Variants in EZH1 observed in about 807,000 individuals in gnomAD.
The protein encoded by EZH1 is enhancer of zeste 1 polycomb repressive complex 2 subunit.
Under a neutral mutation model 100.5 loss-of-function variants are expected in EZH1, and 33 were observed. The ratio of observed to expected loss-of-function variants is 0.33; its 90% CI spans 0.25 to 0.44. The LOEUF is 0.44. EZH1 is among the 20% of genes least tolerant of loss of function. The probability of loss-of-function intolerance (pLI) is 1.00; values close to 1 mark genes in which losing one functional copy is unlikely to be tolerated. For synonymous variants in EZH1, 272 were observed against 313.8 expected, an observed-to-expected ratio of 0.87 and a Z score of 1.41; for missense variants, 475 against 928.4, an observed-to-expected ratio of 0.51 and a Z score of 6.35.
chr17:42,734,319 C>A (rs1451765406), intron 1 of EZH1, among the ~76,000 whole-genome samples: 1 of 152,134 alleles, frequency 6.6e-6, no homozygotes, highest in African/African-American at 2.4e-5. Context: ...GGATTACAGG[C>A]ATGAGCCACC....
At position 42,730,778 on chromosome 17, in the gene EZH1, G is replaced by A. The variant is rs865926556; in HGVS notation, c.-12+50C>T. ...CCCAAAGTGCTGGGATTACAGGCGTGAGCCACCGCGCCCGGCCAAGAAGTA... is the reference window on the plus strand; with the variant it reads ...CCCAAAGTGCTGGGATTACAGGCGTAAGCCACCGCGCCCGGCCAAGAAGTA... On this transcript the variant is annotated intron_variant, in intron 2 of 20. Transcript: ENST00000428826. 3.4e-6 allele frequency: 3 copies of A among 894,660 alleles called. No homozygotes were observed. The South Asian group carries it at 1.5e-4, about 46-fold the overall frequency. 55.4% of individuals were successfully genotyped at this position (894,660 alleles called of 1,614,324 possible). A position where few individuals can be genotyped will look rare whatever the true frequency, so the allele number is the denominator to read the frequency against.
At chr17:42,743,879 T>C (rs1021939561) in intron 1 of EZH1, among the ~76,000 whole-genome samples, 9 of 152,178 alleles carry the variant, frequency 5.9e-5, no homozygotes, top group Non-Finnish European at 1.2e-4. Flanking sequence ...AAACCTCTAA[T>C]AGGGTTAGCA....
Position 42,702,226 on chromosome 17 carries a change from C to T in EZH1, c.*306G>A. 1 of 310,332 alleles carries T rather than the reference C, an allele frequency of 3.2e-6. No homozygotes were observed. The highest frequency in any genetic ancestry group is 6.0e-6 in the Non-Finnish European group (1 of 167,324). 19.2% of individuals were successfully genotyped at this position (310,332 alleles called of 1,614,324 possible). A position where few individuals can be genotyped will look rare whatever the true frequency, so the allele number is the denominator to read the frequency against. On this transcript the variant is annotated 3_prime_UTR_variant, in exon 21 of 21. Transcript: ENST00000428826. ...ATTCCTGAGGCCACAGCCTGGGGAG[C>T]CGACACGAAATCACGCATAAGTCAT... is the stretch of plus-strand genomic sequence containing the variant.
intron 1 of EZH1, among the ~76,000 whole-genome samples, chr17:42,733,208 A>C (rs2053988805): frequency 6.6e-6 from 1 of 151,466 alleles, no homozygotes; most frequent in South Asian, 2.1e-4. Flanking sequence ...GTGGTGGCGC[A>C]TGCCTATAAT....
chr17:42,702,094 C>G lies in EZH1; in HGVS notation c.*438G>C, dbSNP rs527859545. The G allele has an allele frequency of 6.3e-6, 1 of 159,702 alleles. No homozygotes were observed. The highest frequency in any genetic ancestry group is 2.4e-5 in the African/African-American group (1 of 41,800). 9.9% of individuals were successfully genotyped at this position (159,702 alleles called of 1,614,324 possible). A position where few individuals can be genotyped will look rare whatever the true frequency, so the allele number is the denominator to read the frequency against. On this transcript the variant is annotated 3_prime_UTR_variant, in exon 21 of 21. Coordinates refer to ENST00000428826, the MANE Select transcript of EZH1 (RefSeq NM_001991.5). ...CCACACTTCACTTAGCCTGTCCTCTCCAGGTCTTAGGACCACAGAGGTTTG... is the reference window on the plus strand; with the variant it reads ...CCACACTTCACTTAGCCTGTCCTCTGCAGGTCTTAGGACCACAGAGGTTTG...
intron 11 of EZH1, among the ~76,000 whole-genome samples, chr17:42,712,866 C>T (rs1210821581): frequency 2.0e-5 from 3 of 152,044 alleles, no homozygotes; most frequent in Non-Finnish European, 2.9e-5. Context: ...GGCGAAACCC[C>T]GTCTCTACTA....
At chr17:42,707,455 T>C (rs1356875198) in intron 15 of EZH1, among the ~76,000 whole-genome samples, 1 of 152,060 alleles carries the variant, frequency 6.6e-6, no homozygotes, top group East Asian at 1.9e-4. Flanking sequence ...AGAGACGGGG[T>C]TCACCATGTT....
At chr17:42,728,707 A>G (rs1275934374) in intron 3 of EZH1, 118 bp downstream of exon 3, 3 of 1,035,954 alleles carry the variant, frequency 2.9e-6, no homozygotes, top group Non-Finnish European at 4.1e-6. Context: ...ACGCCACTGC[A>G]CTCCAACCTG....
At chr17:42,726,183 CTT>C (rs1374975364) in intron 4 of EZH1, among the ~76,000 whole-genome samples, 10 of 96,792 alleles carry the variant, frequency 1.0e-4, no homozygotes, top group Non-Finnish European at 8.2e-5. Context: ...CCAGCTTCTG[CTT>C]TTTTTTTTTT....
intron 20 of EZH1, 33 bp downstream of exon 20, chr17:42,702,844 G>A (rs769731674): frequency 6.2e-6 from 10 of 1,607,566 alleles, no homozygotes; most frequent in Non-Finnish European, 7.7e-6. Context: ...CAATTCCTGG[G>A]CCACATCCCA....
chr17:42,728,396 G>A (rs2053867395), intron 3 of EZH1, among the ~76,000 whole-genome samples: 1 of 149,540 alleles, frequency 6.7e-6, no homozygotes, highest in East Asian at 2.1e-4. Context: ...TTACAGGTGT[G>A]AGCCACCGCA....
intron 4 of EZH1, 137 bp downstream of exon 4, chr17:42,727,498 C>G: frequency 9.5e-7 from 1 of 1,049,636 alleles, no homozygotes; most frequent in African/African-American, 1.7e-5. Flanking sequence ...CCACCTCAGC[C>G]TCCCAAATAG....
chr17:42,726,874 C>A (rs1291491192), intron 4 of EZH1, among the ~76,000 whole-genome samples: 1 of 151,372 alleles, frequency 6.6e-6, no homozygotes, highest in East Asian at 1.9e-4. Context: ...TTTTGAGACA[C>A]AGTCTCACTC....
In EZH1 at chr17:42,707,946, T is replaced by A. The variant is rs752275685; in HGVS notation, c.1660+12A>T. ...GTTTTGGTAGACTATACAGAAAACG[T>A]AGCACACTTACAGTCTGGGTTGCAC... On this transcript the variant is annotated intron_variant, in intron 15 of 20. Transcript: ENST00000428826. 1.2e-6 allele frequency: 2 copies of A among 1,613,188 alleles called. No homozygotes were observed. Among genetic ancestry groups the A allele is most frequent in the African/African-American group, 1.3e-5 (1 of 74,774 alleles).
intron 19 of EZH1, chr17:42,703,443 G>T: frequency 5.5e-6 from 2 of 363,294 alleles, no homozygotes; most frequent in South Asian, 5.5e-5. Context: ...CTCCCAAAGT[G>T]CTGGGATTAC....
chr17:42,744,992 G>A lies in EZH1; in HGVS notation c.-103+19C>T. ...AGGCCCGGCCCCACCGCCCGGCCCA[G>A]GCTTGTTTACTCACTCACCCTCCAT... On this transcript the variant is annotated intron_variant, in intron 1 of 20. Coordinates refer to ENST00000428826, the MANE Select transcript of EZH1 (RefSeq NM_001991.5). 7.8e-7 allele frequency: 1 copy of A among 1,274,312 alleles called. No homozygotes were observed. Among genetic ancestry groups the A allele is most frequent in the Non-Finnish European group, 1.0e-6 (1 of 982,868 alleles). 78.9% of individuals were successfully genotyped at this position (1,274,312 alleles called of 1,614,324 possible).
At chr17:42,721,551 A>G (rs1248320116) in intron 6 of EZH1, among the ~76,000 whole-genome samples, 2 of 152,108 alleles carry the variant, frequency 1.3e-5, no homozygotes, top group Non-Finnish European at 2.9e-5. Context: ...TGTACAATAA[A>G]CTTTCTCTCC....
At position 42,718,484 on chromosome 17, in the gene EZH1, G is replaced by A. The variant is rs780395800; in HGVS notation, c.901C>T (p.Arg301Cys). 6.2e-7 allele frequency: 1 copy of A among 1,614,032 alleles called. No homozygotes were observed. Among genetic ancestry groups the A allele is most frequent in the Non-Finnish European group, 8.5e-7 (1 of 1,180,024 alleles). Residue 301 changes from arginine (R) to cysteine (C), a missense_variant, in exon 9 of 21, where the codon CGC becomes TGC. By Grantham distance (180) the Arg-to-Cys change is radical. Transcript: ENST00000428826. The surrounding 1 kb of genome is among the most constrained non-coding windows in gnomAD (Gnocchi z 4.2). ...AGGAAGCAGTCGTATTTAAAGCAGC[G>A]CCGGCAAAAAAGTGTGTGGAAGGAG... Reference protein sequence around the residue: ...LHSFHTLFCRRCFKYDCFLHP... With the variant: ...LHSFHTLFCRCCFKYDCFLHP...
At chr17:42,740,187 A>C (rs1010825577) in intron 1 of EZH1, among the ~76,000 whole-genome samples, 3 of 151,910 alleles carry the variant, frequency 2.0e-5, no homozygotes, top group Admixed American at 6.6e-5. Flanking sequence ...AGCTGGGACT[A>C]CGGGCACATG....
Sources: allele counts gnomAD v4.1 joint callset (sites outside exome capture counted in the v4.1 genomes callset), GRCh38; gene constraint gnomAD v4.1.1; non-coding constraint Gnocchi (gnomAD v3.1); transcripts MANE v1.5; gene names NCBI Gene and HGNC (gene_info 2026-07-23, HGNC 2026-07-21).